The following NUP98 variants were observed in gnomAD, a reference collection of about 807,000 sequenced individuals.
NUP98 encodes the protein nuclear pore complex protein Nup98-Nup96.
In NUP98, 26 loss-of-function variants were observed where a neutral mutation model predicts 191.9. The observed-to-expected ratio is 0.14, with a 90% CI of 0.10 to 0.19. The LOEUF (loss-of-function observed/expected upper bound fraction) is 0.19. Among genes scored for constraint, NUP98 ranks in the 10% least tolerant of loss-of-function variants. NUP98 has a pLI of 1.00. For synonymous variants in NUP98, 808 were observed against 778.4 expected (o/e 1.04, Z -0.63); for missense variants, 1,941 against 2,178.8 (o/e 0.89, Z 2.17).
At chr11:3,735,765 G>A (rs1247198600) in intron 12 of NUP98, among the ~76,000 whole-genome samples, 1 of 136,636 alleles carries the variant, frequency 7.3e-6, no homozygotes, top group Non-Finnish European at 1.7e-5. Flanking sequence ...GTGTGTGTGT[G>A]TGTGTGTGTG....
intron 19 of NUP98, 82 bp downstream of exon 19, chr11:3,713,736 A>G (rs2079089338): frequency 7.6e-7 from 1 of 1,313,324 alleles, no homozygotes; most frequent in South Asian, 1.4e-5. Context: ...AATAGAATTT[A>G]GCAAAGGATC....
chr11:3,735,174 A>C lies in NUP98; in HGVS notation c.1542+17T>G. 1 of 1,550,582 alleles carries C rather than the reference A, an allele frequency of 6.4e-7. No homozygotes were observed. Among genetic ancestry groups the C allele is most frequent in the Non-Finnish European group, 8.7e-7 (1 of 1,147,544 alleles). On this transcript the variant is annotated intron_variant, in intron 13 of 32. Transcript: ENST00000324932. ...TTTCTTTGATATGATATTTTACAGA[A>C]GTATCCTTAAATTTACCTCTTCCTT...
At chr11:3,727,139 A>G (rs1589819117) in intron 14 of NUP98, among the ~76,000 whole-genome samples, 1 of 152,148 alleles carries the variant, frequency 6.6e-6, no homozygotes, top group African/African-American at 2.4e-5. Context: ...TGAGGTCAGC[A>G]TAATCTTTAT....
chr11:3,686,235 G>A (rs2078129348), intron 28 of NUP98, 41 bp from the exon 29 acceptor site: 5 of 1,554,178 alleles, frequency 3.2e-6, no homozygotes, highest in South Asian at 1.1e-5. Context: ...ACAGCCAGGA[G>A]ACGGCCTGGA....
Position 3,684,306 on chromosome 11 carries a change from G to A in NUP98, c.4677-865C>T, listed in dbSNP as rs142781588. Among the ~76,000 whole-genome samples the A allele has an allele frequency of 1.3e-4, 19 of 149,024 alleles. No individual in the cohort carries two copies. In the East Asian group the frequency reaches 1.8e-3, roughly 14 times the overall value. On this transcript the variant is annotated intron_variant, in intron 29 of 32. Coordinates refer to ENST00000324932, the MANE Select transcript of NUP98 (RefSeq NM_016320.5). ...TCAAAAAGTTGGGGCTTGGCTCGGCGCAGTGGCTCACGCCTGTAATCCCAG... is the reference window on the plus strand; with the variant it reads ...TCAAAAAGTTGGGGCTTGGCTCGGCACAGTGGCTCACGCCTGTAATCCCAG...
rs545957449 is a variant in NUP98 at position 3,679,935 on chromosome 11, A to G, written c.4919-227T>C. 6.6e-5 allele frequency among the ~76,000 whole-genome samples: 10 copies of G among 152,378 alleles called. No individual in the cohort carries two copies. In the East Asian group the frequency reaches 1.7e-3, roughly 26 times the overall value. On this transcript the variant is annotated intron_variant, in intron 30 of 32. Coordinates refer to ENST00000324932, the MANE Select transcript of NUP98 (RefSeq NM_016320.5). ...CAAATTTTTTGGTTTTCCAGTGGAT[A>G]TAAAAGTTATGTTTACACTATACCA... is the stretch of plus-strand genomic sequence containing the variant.
intron 15 of NUP98, among the ~76,000 whole-genome samples, chr11:3,724,348 T>C (rs1477206250): frequency 6.6e-6 from 1 of 151,328 alleles, no homozygotes; most frequent in South Asian, 2.1e-4. Context: ...GGCAGGAGAA[T>C]TGCTTGAACA....
At chr11:3,744,479 G>C in intron 12 of NUP98, 30 bp downstream of exon 12, 2 of 1,571,506 alleles carry the variant, frequency 1.3e-6, no homozygotes, top group South Asian at 2.4e-5. Flanking sequence ...AAAAAATTAA[G>C]AAAAGCCTTC....
chr11:3,792,452 A>G (rs1564940613), intron 1 of NUP98, among the ~76,000 whole-genome samples: 1 of 152,002 alleles, frequency 6.6e-6, no homozygotes, highest in African/African-American at 2.4e-5. Context: ...CTCTACAAAA[A>G]ATACAAAAAT....
intron 11 of NUP98, among the ~76,000 whole-genome samples, chr11:3,744,972 A>T (rs1046991654): frequency 1.3e-5 from 2 of 152,210 alleles, no homozygotes; most frequent in Non-Finnish European, 2.9e-5. Flanking sequence ...AACATACTAC[A>T]TGCTCATCAA....
intron 11 of NUP98, among the ~76,000 whole-genome samples, chr11:3,749,619 T>C (rs2080663754): frequency 6.6e-6 from 1 of 151,970 alleles, no homozygotes; most frequent in Non-Finnish European, 1.5e-5. Flanking sequence ...AGAAACTCGG[T>C]CTCTAAATAA....
chr11:3,751,129 C>T (rs1300584194), intron 11 of NUP98, among the ~76,000 whole-genome samples: 4 of 152,070 alleles, frequency 2.6e-5, no homozygotes, highest in East Asian at 1.9e-4. Context: ...GAGGCCGAGG[C>T]GGGCAGATCA....
At chr11:3,738,918 CAGA>C (rs1267221802) in intron 12 of NUP98, among the ~76,000 whole-genome samples, 2 of 151,760 alleles carry the variant, frequency 1.3e-5, no homozygotes, top group South Asian at 2.1e-4. Context: ...ACAACCAGAA[CAGA>C]AGAACAGACT....
In NUP98 at chr11:3,746,496, A is replaced by C. The variant is rs1266160673; in HGVS notation, c.1268-1847T>G. On this transcript the variant is annotated intron_variant, in intron 11 of 32. Transcript: ENST00000324932. ...CTTAGGTGAAACTCAAATATATAAA[A>C]TAGATGAAAAATTCTACTCTAAATG... Among the ~76,000 whole-genome samples the C allele has an allele frequency of 2.0e-5, 3 of 151,780 alleles. No individual in the cohort carries two copies. In the East Asian group the frequency reaches 5.8e-4, roughly 29 times the overall value.
At chr11:3,733,616 C>T (rs1421500489) in intron 13 of NUP98, among the ~76,000 whole-genome samples, 1 of 152,112 alleles carries the variant, frequency 6.6e-6, no homozygotes, top group East Asian at 1.9e-4. Context: ...CCACTGTGCC[C>T]GGCCTTCACT....
At chr11:3,724,662 G>T (rs1439329279) in intron 15 of NUP98, among the ~76,000 whole-genome samples, 1 of 150,876 alleles carries the variant, frequency 6.6e-6, no homozygotes, top group Non-Finnish European at 1.5e-5. Context: ...GCATGGTGGC[G>T]GGTGCCTGTA....
At chr11:3,700,321 A>G (rs567808706) in intron 24 of NUP98, among the ~76,000 whole-genome samples, 1 of 151,652 alleles carries the variant, frequency 6.6e-6, no homozygotes, top group Admixed American at 6.6e-5. Flanking sequence ...TTCTCTCCCT[A>G]TGTTCTCTGG....
chr11:3,705,077 A>G (rs2078818636), intron 22 of NUP98, 123 bp downstream of exon 22: 2 of 854,078 alleles, frequency 2.3e-6, no homozygotes, highest in Non-Finnish European at 3.7e-6. Context: ...CCCTTATGTC[A>G]CAGGTATAGT....
intron 10 of NUP98, among the ~76,000 whole-genome samples, chr11:3,759,796 C>T (rs2081102616): frequency 6.6e-6 from 1 of 151,680 alleles, no homozygotes. Flanking sequence ...CTGAATAATC[C>T]CCCAAATCAG....
Sources: allele counts gnomAD v4.1 joint callset (sites outside exome capture counted in the v4.1 genomes callset), GRCh38; gene constraint gnomAD v4.1.1; transcripts MANE v1.5; gene names NCBI Gene and HGNC (gene_info 2026-07-23, HGNC 2026-07-21).